Variants in GLB1 observed in about 807,000 individuals in gnomAD.
GLB1 encodes the protein beta-galactosidase.
A neutral mutation model predicts 74.0 loss-of-function variants in GLB1; 56 were observed. The observed-to-expected ratio is 0.76, with a 90% CI of 0.61 to 0.94. The LOEUF (loss-of-function observed/expected upper bound fraction) is 0.94. Among genes scored for constraint, GLB1 ranks in the 40% least tolerant of loss-of-function variants. The probability of loss-of-function intolerance (pLI) is 0.00; values close to 1 mark genes in which losing one functional copy is unlikely to be tolerated. For missense variants in GLB1, 787 were observed against 845.5 expected (o/e 0.93, Z 0.86); for synonymous variants, 323 against 323.6 (o/e 1.00, Z 0.02).
intron 15 of GLB1, among the ~76,000 whole-genome samples, chr3:33,008,377 A>G (rs1214193731): frequency 6.6e-6 from 1 of 152,158 alleles, no homozygotes; most frequent in Non-Finnish European, 1.5e-5. Flanking sequence ...CCCTGAAGGA[A>G]GAAGGTGGGG....
intron 10 of GLB1, among the ~76,000 whole-genome samples, chr3:33,027,025 C>T (rs990649207): frequency 6.6e-6 from 1 of 152,244 alleles, no homozygotes; most frequent in Non-Finnish European, 1.5e-5. Context: ...CTGAAACATG[C>T]CCCTTGCTCA....
At chr3:33,090,375 AAAAC>A (rs1483543430) in intron 1 of GLB1, 1 of 984,788 alleles carries the variant, frequency 1.0e-6, no homozygotes. Context: ...CGAAAAGTTT[AAAAC>A]AAACCAAACA....
At chr3:33,029,794 A>C (rs1292960387) in intron 10 of GLB1, among the ~76,000 whole-genome samples, 1 of 152,098 alleles carries the variant, frequency 6.6e-6, no homozygotes, top group African/African-American at 2.4e-5. Context: ...ATCAGGGCCT[A>C]CTTGAGGGTG....
the GLB1 span, among the ~76,000 whole-genome samples, chr3:32,979,431 G>A: frequency 8.6e-5 from 13 of 152,004 alleles, no homozygotes; most frequent in African/African-American, 2.9e-4. Context: ...TATTGAATAC[G>A]TATTTTTCTA....
At chr3:33,021,446 G>A (rs1454866632) in intron 12 of GLB1, 120 bp downstream of exon 12, 4 of 1,033,158 alleles carry the variant, frequency 3.9e-6, no homozygotes, top group Non-Finnish European at 5.9e-6. Context: ...CATTTACCTG[G>A]GATCTGATGC....
chr3:32,966,633 A>G, the GLB1 span, among the ~76,000 whole-genome samples: 1 of 152,304 alleles, frequency 6.6e-6, no homozygotes. Context: ...ATGGAAGGAC[A>G]TGAGATTTGG....
chr3:33,042,019 C>A lies in GLB1; in HGVS notation c.1068+4101G>T, dbSNP rs191742178. 4.0e-5 allele frequency among the ~76,000 whole-genome samples: 6 copies of A among 150,500 alleles called. No individual in the cohort carries two copies. In the East Asian group the frequency reaches 1.3e-3, roughly 31 times the overall value. ...CCATTTAAAACACTTTAGAGTCACC[C>A]GACTCTCCTCTCTTTCATACTCCCC... On this transcript the variant is annotated intron_variant, in intron 10 of 15. Coordinates refer to ENST00000307363, the MANE Select transcript of GLB1 (RefSeq NM_000404.4).
At chr3:33,039,429 C>G (rs900551879) in intron 10 of GLB1, among the ~76,000 whole-genome samples, 1 of 151,676 alleles carries the variant, frequency 6.6e-6, no homozygotes, top group Admixed American at 6.6e-5. Context: ...CAGCAGAGAA[C>G]TGGAAACAAT....
chr3:33,093,673 C>T lies in GLB1; in HGVS notation c.75+3338G>A, dbSNP rs1700873707. Reference sequence around the variant, plus strand: ...TTCAGAATCCCGGCCACGCTGAGCACAGCAGTCACTCCCACTGCCAGGGCA... The same window carrying T: ...TTCAGAATCCCGGCCACGCTGAGCATAGCAGTCACTCCCACTGCCAGGGCA... On this transcript the variant is annotated intron_variant, in intron 1 of 15. Coordinates refer to ENST00000307363, the MANE Select transcript of GLB1 (RefSeq NM_000404.4). The surrounding 1 kb of genome is among the most constrained non-coding windows in gnomAD (Gnocchi z 6.0). 1 of 1,614,144 alleles carries T rather than the reference C, an allele frequency of 6.2e-7. No homozygotes were observed. Among genetic ancestry groups the T allele is most frequent in the East Asian group, 2.2e-5 (1 of 44,868 alleles).
chr3:33,011,448 T>TA (rs63030461), intron 15 of GLB1, among the ~76,000 whole-genome samples: 143 of 142,994 alleles, frequency 1.0e-3, no homozygotes, highest in African/African-American at 2.5e-3. Flanking sequence ...CCAATAAAAA[T>TA]AAAAAAAAAA....
chr3:33,068,141 C>G (rs1699760599), intron 4 of GLB1, 89 bp downstream of exon 4: 1 of 1,587,718 alleles, frequency 6.3e-7, no homozygotes, highest in Admixed American at 1.7e-5. Context: ...CCCGCCTCAG[C>G]CTCCCAAAGT....
At chr3:32,968,639 G>T in the GLB1 span, among the ~76,000 whole-genome samples, 1 of 152,130 alleles carries the variant, frequency 6.6e-6, no homozygotes, top group African/African-American at 2.4e-5. Context: ...CTTGCTCATG[G>T]CTAAGCCATT....
At chr3:32,992,784 C>T (rs1289080701), downstream of GLB1, among the ~76,000 whole-genome samples, 3 of 152,236 alleles carry the variant, frequency 2.0e-5, no homozygotes, top group Non-Finnish European at 4.4e-5. Flanking sequence ...GAGCAACTGT[C>T]TGGTGAGGAA....
chr3:32,986,201 T>C, the GLB1 span, among the ~76,000 whole-genome samples: 4 of 152,214 alleles, frequency 2.6e-5, no homozygotes, highest in African/African-American at 9.6e-5. Flanking sequence ...AGGTCTCAGT[T>C]TGGAGACCTG....
intron 1 of GLB1, among the ~76,000 whole-genome samples, chr3:33,085,373 T>C (rs4678657): frequency 0.98 from 149,237 of 152,066 alleles, 73,303 homozygotes; most frequent in Middle Eastern, 1. Flanking sequence ...ATCTCTGTAC[T>C]TTCCACTCAA....
chr3:33,013,283 A>T (rs1697102875), intron 15 of GLB1, among the ~76,000 whole-genome samples: 1 of 152,222 alleles, frequency 6.6e-6, no homozygotes, highest in Non-Finnish European at 1.5e-5. Context: ...TGCACCAATT[A>T]TTATCAACCC....
rs193014484 is a variant in GLB1 at position 33,038,315 on chromosome 3, A to C, written c.1068+7805T>G. On this transcript the variant is annotated intron_variant, in intron 10 of 15. Coordinates refer to ENST00000307363, the MANE Select transcript of GLB1 (RefSeq NM_000404.4). ...GATGATCGACAGATCTCAGAAAAAT[A>C]ATTTGTGAAAGGTTTGCCCTGTGCT... Among the ~76,000 whole-genome samples, 73 of 152,306 alleles carry C rather than the reference A, an allele frequency of 4.8e-4. 1 individual carries two copies. The highest frequency in any genetic ancestry group is 5.9e-5 in the Non-Finnish European group (4 of 68,024).
intron 14 of GLB1, among the ~76,000 whole-genome samples, chr3:33,015,194 A>G (rs542240300): frequency 9.1e-4 from 138 of 152,238 alleles, no homozygotes; most frequent in Non-Finnish European, 1.5e-3. Context: ...TGAGTGTGGG[A>G]TACAAAGGAA....
chr3:33,017,124 T>C (rs988158351), intron 13 of GLB1, among the ~76,000 whole-genome samples: 12 of 152,308 alleles, frequency 7.9e-5, no homozygotes, highest in Admixed American at 7.8e-4. Flanking sequence ...CTACTTTTAG[T>C]GGAAAATTCC....
Sources: gnomAD v4.1 joint callset for allele counts (sites outside exome capture counted in the v4.1 genomes callset) on GRCh38, gnomAD v4.1.1 for gene constraint, Gnocchi (gnomAD v3.1) non-coding constraint, MANE v1.5 for transcripts, NCBI Gene and HGNC (gene_info 2026-07-23, HGNC 2026-07-21) for gene names.